The following SIK3 variants were observed in gnomAD, a reference collection of about 807,000 sequenced individuals.
SIK3 encodes the protein SIK family kinase 3, also known as serine/threonine-protein kinase SIK3.
SIK3 carries 28 observed loss-of-function variants against 144.2 expected under a neutral mutation model. The ratio of observed to expected loss-of-function variants is 0.19; its 90% confidence interval spans 0.14 to 0.27. SIK3 has a LOEUF of 0.27. Ranked by LOEUF, SIK3 falls within the 10% of genes least tolerant of loss-of-function variation. The probability of loss-of-function intolerance (pLI) is 1.00; values close to 1 mark genes in which losing one functional copy is unlikely to be tolerated. For missense variants in SIK3, 1,319 were observed against 1,776.0 expected, an observed-to-expected ratio of 0.74 and a Z score of 4.62; for synonymous variants, 686 against 676.3, an observed-to-expected ratio of 1.01 and a Z score of -0.22.
intron 4 of SIK3, among the ~76,000 whole-genome samples, chr11:116,903,790 T>TAACA (rs1358027518): frequency 6.6e-6 from 1 of 152,132 alleles, no homozygotes; most frequent in Non-Finnish European, 1.5e-5. Flanking sequence ...CTTGCTATGT[T>TAACA]GTCCAGGCTG....
At chr11:117,043,503 G>A (rs1204960455) in intron 1 of SIK3, among the ~76,000 whole-genome samples, 2 of 152,272 alleles carry the variant, frequency 1.3e-5, no homozygotes, top group South Asian at 4.1e-4. Flanking sequence ...AACAGTACAA[G>A]CACTACCATT....
At chr11:116,873,839 T>C (rs572755569) in intron 12 of SIK3, 64 bp downstream of exon 12, 27 of 1,555,310 alleles carry the variant, frequency 1.7e-5, no homozygotes, top group African/African-American at 1.7e-4. Context: ...AGGTGCCTCA[T>C]AGCCTCTCAA....
At chr11:116,985,896 C>T (rs1264645285) in intron 1 of SIK3, among the ~76,000 whole-genome samples, 1 of 152,058 alleles carries the variant, frequency 6.6e-6, no homozygotes. Context: ...TGACATGAAC[C>T]TCAATCCAGT....
At chr11:116,862,152 C>G in intron 17 of SIK3, 50 bp downstream of exon 17, 3 of 1,613,506 alleles carry the variant, frequency 1.9e-6, no homozygotes, top group Non-Finnish European at 2.5e-6. Context: ...GCAAATCAGC[C>G]TGAAAGCAAA....
chr11:117,047,128 G>A (rs756317707), intron 1 of SIK3, among the ~76,000 whole-genome samples: 2 of 152,050 alleles, frequency 1.3e-5, no homozygotes, highest in South Asian at 2.1e-4. Context: ...GTTTATTTAT[G>A]TTGGATTGTG....
At chr11:117,008,707 A>G (rs960678326) in intron 1 of SIK3, among the ~76,000 whole-genome samples, 21 of 152,232 alleles carry the variant, frequency 1.4e-4, no homozygotes, top group African/African-American at 5.1e-4. Flanking sequence ...AAAATAAGGA[A>G]GGCATTTGAA....
At chr11:116,949,585 C>G (rs1948839314) in intron 3 of SIK3, among the ~76,000 whole-genome samples, 1 of 152,156 alleles carries the variant, frequency 6.6e-6, no homozygotes, top group African/African-American at 2.4e-5. Flanking sequence ...TAGGCTCGAG[C>G]CATCCTCCTG....
intron 1 of SIK3, among the ~76,000 whole-genome samples, chr11:117,089,283 T>C (rs1448919791): frequency 6.6e-6 from 1 of 151,876 alleles, no homozygotes; most frequent in Non-Finnish European, 1.5e-5. Context: ...GGCAGGCGCC[T>C]GTAGTCCCAA....
In SIK3 at chr11:116,942,750, C is replaced by A. The variant is rs929752966; in HGVS notation, c.454+11294G>T. On this transcript the variant is annotated intron_variant, in intron 3 of 24. Coordinates refer to ENST00000445177, the MANE Select transcript of SIK3 (RefSeq NM_001366686.3). ...AGGGTTTAATGAAAAAGAAAGATGC[C>A]GATGTGAGGAGGAGAGTGCTAGGAG... Among the ~76,000 whole-genome samples, 4 of 152,104 alleles carry A rather than the reference C, an allele frequency of 2.6e-5. No individual in the cohort carries two copies. In the South Asian group the frequency reaches 8.3e-4, roughly 32 times the overall value.
intron 6 of SIK3, among the ~76,000 whole-genome samples, chr11:116,888,085 GTATGTAGC>G (rs2134677602): frequency 6.6e-6 from 1 of 152,282 alleles, no homozygotes; most frequent in Non-Finnish European, 1.5e-5. Context: ...CCACACAGCT[GTATGTAGC>G]TACTCTGGAA....
intron 1 of SIK3, among the ~76,000 whole-genome samples, chr11:116,971,545 ATTTT>A (rs915484534): frequency 6.6e-6 from 1 of 152,188 alleles, no homozygotes; most frequent in African/African-American, 2.4e-5. Flanking sequence ...AAGGCACTAA[ATTTT>A]TTTGTTACTT....
At chr11:117,083,602 C>A (rs1954881755) in intron 1 of SIK3, among the ~76,000 whole-genome samples, 1 of 152,102 alleles carries the variant, frequency 6.6e-6, no homozygotes, top group African/African-American at 2.4e-5. Context: ...CAAAAAAATT[C>A]AACTATTGTC....
chr11:116,911,549 T>C (rs751433947), intron 4 of SIK3, among the ~76,000 whole-genome samples: 6 of 151,784 alleles, frequency 4.0e-5, no homozygotes, highest in Non-Finnish European at 8.8e-5. Context: ...ACATGGGAAA[T>C]ATAAAATTGT....
chr11:116,950,473 C>G (rs572318066), intron 3 of SIK3, among the ~76,000 whole-genome samples: 15 of 152,290 alleles, frequency 9.8e-5, no homozygotes, highest in African/African-American at 3.6e-4. Flanking sequence ...AGCCAATTTC[C>G]CAAACAGCCC....
chr11:116,991,149 T>C (rs976157480), intron 1 of SIK3, among the ~76,000 whole-genome samples: 3 of 152,274 alleles, frequency 2.0e-5, no homozygotes, highest in Admixed American at 6.5e-5. Flanking sequence ...TTAACCAATA[T>C]AAAAGTAACC....
At chr11:117,075,700 C>T (rs1332723697) in intron 1 of SIK3, among the ~76,000 whole-genome samples, 1 of 151,092 alleles carries the variant, frequency 6.6e-6, no homozygotes, top group Non-Finnish European at 1.5e-5. Context: ...CGCCACCACA[C>T]CTGGCTAATT....
chr11:116,898,675 T>C (rs1277581747), intron 4 of SIK3, among the ~76,000 whole-genome samples: 1 of 147,572 alleles, frequency 6.8e-6, no homozygotes, highest in Non-Finnish European at 1.5e-5. Context: ...TTCTAACTGG[T>C]GTGAGATGGT....
At chr11:116,942,692 G>A (rs1415403648) in intron 3 of SIK3, among the ~76,000 whole-genome samples, 1 of 152,132 alleles carries the variant, frequency 6.6e-6, no homozygotes, top group Non-Finnish European at 1.5e-5. Context: ...AAGAAGAAAT[G>A]GAATATATGG....
intron 1 of SIK3, among the ~76,000 whole-genome samples, chr11:117,065,043 G>C (rs1245179265): frequency 6.6e-6 from 1 of 152,032 alleles, no homozygotes; most frequent in Non-Finnish European, 1.5e-5. Context: ...CAGCTACTCG[G>C]GAGGCTGAGG....
Sources: allele counts gnomAD v4.1 joint callset (sites outside exome capture counted in the v4.1 genomes callset), GRCh38; gene constraint gnomAD v4.1.1; transcripts MANE v1.5; gene names NCBI Gene and HGNC (gene_info 2026-07-23, HGNC 2026-07-21).